Variants in ZNF285 observed in about 807,000 individuals in gnomAD.
ZNF285 encodes zinc finger protein 285A.
ZNF285 carries 4 observed loss-of-function variants against 6.2 expected under a neutral mutation model. The ratio of observed to expected loss-of-function variants is 0.65; its 90% CI spans 0.32 to 1.49. ZNF285 has a LOEUF of 1.49. ZNF285 is among the 40% of genes most tolerant of loss of function. The probability of loss-of-function intolerance (pLI) is 0.07; values close to 1 mark genes in which losing one functional copy is unlikely to be tolerated. For synonymous variants in ZNF285, 240 were observed against 245.8 expected (o/e 0.98, Z 0.22); for missense variants, 695 against 708.8 (o/e 0.98, Z 0.22).
chr19:44,399,633 T>A (rs183118769), intron 1 of ZNF285, among the ~76,000 whole-genome samples: 1 of 151,934 alleles, frequency 6.6e-6, no homozygotes, highest in African/African-American at 2.4e-5. Flanking sequence ...TCCACACACA[T>A]GCACTCACAC....
intron 1 of ZNF285, among the ~76,000 whole-genome samples, chr19:44,398,406 G>A (rs922504742): frequency 1.3e-5 from 2 of 152,166 alleles, no homozygotes; most frequent in African/African-American, 4.8e-5. Context: ...AGGGACAAGA[G>A]TGAAGTCAGA....
intron 1 of ZNF285, among the ~76,000 whole-genome samples, chr19:44,399,097 C>T (rs1338279383): frequency 6.6e-6 from 1 of 151,624 alleles, no homozygotes; most frequent in Non-Finnish European, 1.5e-5. Flanking sequence ...GGTCACAGAC[C>T]AATATCATTT....
chr19:44,388,006 CTT>C lies in ZNF285; in HGVS notation c.237_238del (p.Arg80AspfsTer29). 3.1e-6 allele frequency: 5 copies of C among 1,614,114 alleles called. No homozygotes were observed. The highest frequency in any genetic ancestry group is 4.2e-6 in the Non-Finnish European group (5 of 1,180,018). On this transcript the variant is annotated frameshift_variant, in exon 4 of 4. Coordinates refer to ENST00000614994, the MANE Select transcript of ZNF285 (RefSeq NM_152354.6). LOFTEE classifies it low-confidence loss of function (END_TRUNC). ...CTGACTCACAGTTAAATCCCGGATC[CTT>C]TGTTTCCAAATCTGCCAGCAATGAA...
chr19:44,392,292 T>C (rs757079094), intron 3 of ZNF285, 48 bp downstream of exon 3: 3 of 1,611,992 alleles, frequency 1.9e-6, no homozygotes, highest in East Asian at 2.2e-5. Context: ...TGGTTTGAAA[T>C]GATGATTTGA....
At position 44,387,160 on chromosome 19, in the gene ZNF285, T is replaced by C. The variant is rs376945458; in HGVS notation, c.1085A>G (p.His362Arg). ...GFGFRSLLCI[H>R]QGVHTGKKPY... The stretch of plus-strand genomic sequence containing the variant: ...CTTTTTCCCTGTGTGTACTCCCTGA[T>C]GAATACAAAGAAGTGACCTAAATCC... Residue 362 changes from histidine to arginine, a missense_variant, in exon 4 of 4, where the codon CAT becomes CGT. Coordinates refer to ENST00000614994, the MANE Select transcript of ZNF285 (RefSeq NM_152354.6). The C allele has an allele frequency of 1.4e-5, 22 of 1,614,024 alleles. No individual in the cohort carries two copies. Among genetic ancestry groups the C allele is most frequent in the Admixed American group, 1.7e-5 (1 of 59,986 alleles).
intron 1 of ZNF285, 40 bp from the exon 2 acceptor site, chr19:44,397,296 A>G (rs1208053088): frequency 6.2e-7 from 1 of 1,607,880 alleles, no homozygotes; most frequent in Non-Finnish European, 8.5e-7. Context: ...TGGGTTCAAC[A>G]AGTTGTGAAT....
intron 3 of ZNF285, 25 bp downstream of exon 3, chr19:44,392,315 A>G (rs746528210): frequency 1.1e-5 from 18 of 1,613,562 alleles, no homozygotes; most frequent in Non-Finnish European, 1.4e-5. Flanking sequence ...AAACAGGTCC[A>G]GTGGTCTCAT....
In ZNF285 at chr19:44,386,481, T is replaced by G. The variant is rs1482081592; in HGVS notation, c.1764A>C (p.Glu588Asp). ...LTHQRLHEQRETL is the reference protein window; with the variant it reads ...LTHQRLHEQRDTL Reference sequence around the variant, plus strand: ...CCCTGACTTACTACATTTATAATGTTTCTCTCTGCTCATGTAGTCTTTGAT... The same window carrying G: ...CCCTGACTTACTACATTTATAATGTGTCTCTCTGCTCATGTAGTCTTTGAT... The change falls in exon 4 of 4, where the codon GAA (glutamate) becomes GAC (aspartate). Residue 588 changes from glutamate to aspartate, a missense_variant. Transcript: ENST00000614994. The G allele has an allele frequency of 6.2e-7, 1 of 1,610,228 alleles. No individual in the cohort carries two copies. Among genetic ancestry groups the G allele is most frequent in the Non-Finnish European group, 8.5e-7 (1 of 1,177,120 alleles).
intron 1 of ZNF285, among the ~76,000 whole-genome samples, chr19:44,400,907 C>A (rs569874826): frequency 6.6e-6 from 1 of 151,996 alleles, no homozygotes; most frequent in Non-Finnish European, 1.5e-5. Context: ...AAAATGTATT[C>A]GGTGACATTA....
rs113784457 is a variant in ZNF285 at position 44,383,465 on chromosome 19, C to A, written c.*3007G>T. 1 of 152,090 alleles carries A rather than the reference C, an allele frequency of 6.6e-6. No homozygotes were observed. Among genetic ancestry groups the A allele is most frequent in the African/African-American group, 2.4e-5 (1 of 41,426 alleles). 9.4% of individuals were successfully genotyped at this position (152,090 alleles called of 1,614,324 possible). On this transcript the variant is annotated 3_prime_UTR_variant, in exon 4 of 4. Transcript: ENST00000614994. The stretch of plus-strand genomic sequence containing the variant: ...GAGACCATGATGACAGAGAGAACTT[C>A]GTTGTCTCATCTATGACCATCATAA...
rs1269821821 is a variant in ZNF285 at position 44,385,001 on chromosome 19, A to C, written c.*1471T>G. ...GGTGACACAGCAAGACCCTGTTTCCAAAAAAAAAAAAAAAAAAAAAAAGCA... is the reference window on the plus strand; with the variant it reads ...GGTGACACAGCAAGACCCTGTTTCCCAAAAAAAAAAAAAAAAAAAAAAGCA... On this transcript the variant is annotated 3_prime_UTR_variant, in exon 4 of 4. Transcript: ENST00000614994. 2.6e-5 allele frequency: 2 copies of C among 77,570 alleles called. No individual in the cohort carries two copies. The highest frequency in any genetic ancestry group is 3.9e-4 in the East Asian group (1 of 2,594). The allele number at this position is 77,570 out of a possible 1,614,324, so 4.8% of individuals were successfully genotyped here.
Position 44,386,993 on chromosome 19 carries a change from G to A in ZNF285, c.1252C>T (p.His418Tyr). The change falls in exon 4 of 4, where the codon CAC becomes TAC. Residue 418 changes from histidine (H) to tyrosine (Y), a missense_variant. Transcript: ENST00000614994. ...CFSSSSVLQVHWRFHTGEKPY... is the reference protein window; with the variant it reads ...CFSSSSVLQVYWRFHTGEKPY... ...TTCTCCCCTGTGTGAAACCTCCAGT[G>A]GACTTGAAGAACGGAGCTTGAACTA... 1 of 1,614,130 alleles carries A rather than the reference G, an allele frequency of 6.2e-7. No individual in the cohort carries two copies. Among genetic ancestry groups the A allele is most frequent in the South Asian group, 1.1e-5 (1 of 91,084 alleles).
rs1971050039 is a variant in ZNF285, at chr19:44,385,167, C to T, written c.*1305G>A. ...AGACTGCATCAGTCTGCAATGAACA[C>T]TGTTGGTTTTTTACATGTTGTTGGT... On this transcript the variant is annotated 3_prime_UTR_variant, in exon 4 of 4. Transcript: ENST00000614994. 1 of 152,134 alleles carries T rather than the reference C, an allele frequency of 6.6e-6. No homozygotes were observed. Among genetic ancestry groups the T allele is most frequent in the Admixed American group, 6.5e-5 (1 of 15,270 alleles). 9.4% of individuals were successfully genotyped at this position (152,134 alleles called of 1,614,324 possible). A position where few individuals can be genotyped will look rare whatever the true frequency, so the allele number is the denominator to read the frequency against.
chr19:44,391,738 C>G (rs1971199888), intron 3 of ZNF285, among the ~76,000 whole-genome samples: 1 of 151,942 alleles, frequency 6.6e-6, no homozygotes, highest in Non-Finnish European at 1.5e-5. Flanking sequence ...AGGAACATAG[C>G]CAAACCAAAT....
intron 2 of ZNF285, among the ~76,000 whole-genome samples, chr19:44,395,281 A>C (rs558558917): frequency 1.3e-5 from 2 of 152,324 alleles, no homozygotes; most frequent in Non-Finnish European, 2.9e-5. Flanking sequence ...GCTTCCACTT[A>C]CAAGAAATAC....
At chr19:44,397,335 A>G (rs1971298519) in intron 1 of ZNF285, 79 bp from the exon 2 acceptor site, 1 of 1,531,142 alleles carries the variant, frequency 6.5e-7, no homozygotes, top group Non-Finnish European at 9.0e-7. Flanking sequence ...TATCTGTACA[A>G]GTTTCTCACA....
chr19:44,398,828 A>C (rs2123291245), intron 1 of ZNF285, among the ~76,000 whole-genome samples: 1 of 152,224 alleles, frequency 6.6e-6, no homozygotes, highest in South Asian at 2.1e-4. Flanking sequence ...CCGAAGATTA[A>C]AAAACAAAAG....
In ZNF285 at chr19:44,386,767, A is replaced by G; in HGVS notation, c.1478T>C (p.Phe493Ser). The change falls in exon 4 of 4, where the codon TTC becomes TCC. Residue 493 changes from phenylalanine (F) to serine (S), a missense_variant. Transcript: ENST00000614994. ...PYKCEVCGKCFSYSSYFHLHQ... is the reference protein window; with the variant it reads ...PYKCEVCGKCSSYSSYFHLHQ... ...TAAGTGAAAATATGAACTGTAACTG[A>G]AGCACTTTCCACACACTTCACATTT... 1 of 1,614,200 alleles carries G rather than the reference A, an allele frequency of 6.2e-7. No individual in the cohort carries two copies. Among genetic ancestry groups the G allele is most frequent in the South Asian group, 1.1e-5 (1 of 91,082 alleles).
intron 1 of ZNF285, among the ~76,000 whole-genome samples, chr19:44,397,743 G>A (rs1234078481): frequency 6.6e-6 from 1 of 152,062 alleles, no homozygotes. Flanking sequence ...AATTAGCTGG[G>A]TGTGGTGGCG....
Sources: gnomAD v4.1 joint callset for allele counts (sites outside exome capture counted in the v4.1 genomes callset) on GRCh38, gnomAD v4.1.1 for gene constraint, MANE v1.5 for transcripts, NCBI Gene and HGNC (gene_info 2026-07-23, HGNC 2026-07-21) for gene names.